The following ITGA6 variants were observed in gnomAD, a reference collection of about 807,000 sequenced individuals.
The protein encoded by ITGA6 is integrin subunit alpha 6.
ITGA6 carries 63 observed loss-of-function variants against 133.6 expected under a neutral mutation model. The ratio of observed to expected loss-of-function variants is 0.47; its 90% CI spans 0.38 to 0.58. ITGA6 has a LOEUF of 0.58. ITGA6 is among the 20% of genes least tolerant of loss of function. ITGA6 has a pLI of 0.00. For synonymous variants in ITGA6, 434 were observed against 482.0 expected (o/e 0.90, Z 1.30); for missense variants, 1,068 against 1,309.4 (o/e 0.82, Z 2.85).
intron 6 of ITGA6, among the ~76,000 whole-genome samples, chr2:172,474,596 G>A (rs1256472353): frequency 6.6e-6 from 1 of 152,204 alleles, no homozygotes. Flanking sequence ...TGGAGCATCA[G>A]CTCCCGTTGA....
chr2:172,478,924 G>A (rs1686299582), intron 9 of ITGA6, among the ~76,000 whole-genome samples: 1 of 152,160 alleles, frequency 6.6e-6, no homozygotes, highest in Non-Finnish European at 1.5e-5. Context: ...AGCATCTCAG[G>A]TATTAGGTGT....
intron 20 of ITGA6, 124 bp from the exon 21 acceptor site, chr2:172,490,900 A>C (rs923813134): frequency 5.6e-6 from 4 of 713,758 alleles, no homozygotes; most frequent in Non-Finnish European, 1.0e-5. Context: ...CTTTGGCAGG[A>C]GAGAGGCAAA....
At chr2:172,475,852 T>C (rs369209206) in intron 8 of ITGA6, among the ~76,000 whole-genome samples, 167 bp downstream of exon 8, 1 of 152,216 alleles carries the variant, frequency 6.6e-6, no homozygotes, top group African/African-American at 2.4e-5. Context: ...AAAATAAATA[T>C]ATAAATGTAA....
intron 1 of ITGA6, among the ~76,000 whole-genome samples, chr2:172,436,623 A>T (rs1353287797): frequency 6.6e-6 from 1 of 152,216 alleles, no homozygotes; most frequent in Admixed American, 6.5e-5. Context: ...GTTTTAACCC[A>T]AAAGAAATAG....
At chr2:172,474,366 A>G (rs1686072659) in intron 6 of ITGA6, 101 bp downstream of exon 6, 1 of 1,068,602 alleles carries the variant, frequency 9.4e-7, no homozygotes, top group South Asian at 1.3e-5. Flanking sequence ...ATTGACGTAA[A>G]GAATATTTTT....
intron 23 of ITGA6, among the ~76,000 whole-genome samples, chr2:172,494,880 T>C (rs1242703300): frequency 1.3e-5 from 2 of 152,240 alleles, no homozygotes; most frequent in Non-Finnish European, 2.9e-5. Context: ...TGTCAAAATT[T>C]TTTTTAAAAT....
At position 172,475,458 on chromosome 2, in the gene ITGA6, C is replaced by T. The variant is rs1686131593; in HGVS notation, c.1181-139C>T. ...AGCCTGGGCAACAGGAGCGAAACTC[C>T]ATCTCAAAAAAAACAAAAAAAAACC... On this transcript the variant is annotated intron_variant, in intron 7 of 25. Coordinates refer to ENST00000684293, the MANE Select transcript of ITGA6 (RefSeq NM_000210.4). 4.3e-6 allele frequency: 3 copies of T among 691,944 alleles called. No homozygotes were observed. The East Asian group carries it at 7.9e-5, about 18-fold the overall frequency. The allele number at this position is 691,944 out of a possible 1,614,324, so 42.9% of individuals were successfully genotyped here.
chr2:172,427,797 C>A lies in ITGA6; in HGVS notation c.9C>A (p.Ala3=), dbSNP rs908598952. 3.8e-6 allele frequency: 6 copies of A among 1,594,994 alleles called. No homozygotes were observed. The African/African-American group carries it at 8.2e-5, about 22-fold the overall frequency. MA[A]AGQLCLLYLS... ...TCCCCGTGCGTCCGCCCATGGCCGC[C>A]GCCGGGCAGCTGTGCTTGCTCTACC... is the stretch of plus-strand genomic sequence containing the variant. Residue 3 remains alanine, a synonymous_variant, in exon 1 of 26, where the codon GCC becomes GCA. Coordinates refer to ENST00000684293, the MANE Select transcript of ITGA6 (RefSeq NM_000210.4).
At chr2:172,485,465 G>T (rs1315923532) in intron 13 of ITGA6, among the ~76,000 whole-genome samples, 2 of 152,158 alleles carry the variant, frequency 1.3e-5, no homozygotes, top group Non-Finnish European at 1.5e-5. Context: ...ACAATTTGGG[G>T]CCAGAGCGTA....
At chr2:172,503,308 T>C (rs749239347) in intron 25 of ITGA6, 1 of 152,078 alleles carries the variant, frequency 6.6e-6, no homozygotes, top group Non-Finnish European at 1.5e-5. Context: ...TTGGATCAGA[T>C]TGACTATTTA....
At chr2:172,443,032 A>G (rs1285746395) in intron 1 of ITGA6, among the ~76,000 whole-genome samples, 4 of 152,204 alleles carry the variant, frequency 2.6e-5, no homozygotes, top group Non-Finnish European at 5.9e-5. Context: ...AACTACAAAG[A>G]TGGAATGAAA....
intron 3 of ITGA6, 64 bp downstream of exon 3, chr2:172,467,624 C>T: frequency 7.8e-7 from 1 of 1,282,422 alleles, no homozygotes; most frequent in East Asian, 2.3e-5. Context: ...CAGCACCAGG[C>T]TTACAGCAGG....
At position 172,427,735 on chromosome 2, in the gene ITGA6, C is replaced by T. The variant is rs1238164443; in HGVS notation, c.-54C>T. 2 of 1,504,540 alleles carry T rather than the reference C, an allele frequency of 1.3e-6. No individual in the cohort carries two copies. Among genetic ancestry groups the T allele is most frequent in the Non-Finnish European group, 1.8e-6 (2 of 1,126,552 alleles). 93.2% of individuals were successfully genotyped at this position (1,504,540 alleles called of 1,614,324 possible). A position where few individuals can be genotyped will look rare whatever the true frequency, so the allele number is the denominator to read the frequency against. The stretch of plus-strand genomic sequence containing the variant: ...CAGCGCGGCAGCCTCGGACCCAGCC[C>T]GGAGCGCAGGGCGGCCGCTGCAGGT... On this transcript the variant is annotated 5_prime_UTR_variant, in exon 1 of 26. Transcript: ENST00000684293.
chr2:172,498,676 A>G (rs1472181338), intron 24 of ITGA6, among the ~76,000 whole-genome samples: 1 of 152,208 alleles, frequency 6.6e-6, no homozygotes, highest in Non-Finnish European at 1.5e-5. Context: ...AAAATGTAAT[A>G]TCTTCCCCTG....
chr2:172,471,460 G>A (rs903080273), intron 5 of ITGA6, among the ~76,000 whole-genome samples: 1 of 152,174 alleles, frequency 6.6e-6, no homozygotes, highest in Non-Finnish European at 1.5e-5. Flanking sequence ...TTCACAGTAA[G>A]CTGAGATCTT....
Position 172,491,123 on chromosome 2 carries a change from G to C in ITGA6, c.2778+1G>C. 1 of 1,489,700 alleles carries C rather than the reference G, an allele frequency of 6.7e-7. No individual in the cohort carries two copies. Among genetic ancestry groups the C allele is most frequent in the East Asian group, 2.3e-5 (1 of 44,234 alleles). 92.3% of individuals were successfully genotyped at this position (1,489,700 alleles called of 1,614,324 possible). ...TGCTGAAAGAAAATACCAGACTCTT[G>C]TAAGTATTTTTCAAGAGCTGTGAAT... On this transcript the variant is annotated splice_donor_variant, in intron 21 of 25. Transcript: ENST00000684293. LOFTEE classifies it high-confidence loss of function. This position sits in a 1 kb window ranked among gnomAD's most constrained non-coding sequence, Gnocchi z 4.4.
In ITGA6 at chr2:172,474,987, G is replaced by A; in HGVS notation, c.1045G>A (p.Gly349Ser). 2 of 1,585,912 alleles carry A rather than the reference G, an allele frequency of 1.3e-6. No individual in the cohort carries two copies. The highest frequency in any genetic ancestry group is 1.7e-6 in the Non-Finnish European group (2 of 1,154,270). ...TTTTGATAGAGATGGAGAAGTTGGA[G>A]GTGCAGTGTATGTCTACATGAACCA... Reference protein sequence around the residue: ...QYFDRDGEVGGAVYVYMNQQG... With the variant: ...QYFDRDGEVGSAVYVYMNQQG... Residue 349 changes from glycine to serine, a missense_variant, in exon 7 of 26, where the codon GGT becomes AGT. Coordinates refer to ENST00000684293, the MANE Select transcript of ITGA6 (RefSeq NM_000210.4).
chr2:172,501,642 T>C, intron 24 of ITGA6, 130 bp from the exon 25 acceptor site: 1 of 788,922 alleles, frequency 1.3e-6, no homozygotes, highest in South Asian at 1.4e-5. Context: ...CTGTTCATTG[T>C]TGGTTGACTG....
chr2:172,501,623 A>G lies in ITGA6; in HGVS notation c.3115-149A>G. ...GTGTATTGAATATGACAATGAAACA[A>G]TGCAGTGGCTGTTCATTGTTGGTTG... On this transcript the variant is annotated intron_variant, in intron 24 of 25. Coordinates refer to ENST00000684293, the MANE Select transcript of ITGA6 (RefSeq NM_000210.4). 4.4e-6 allele frequency: 3 copies of G among 682,142 alleles called. No individual in the cohort carries two copies. In the South Asian group the frequency reaches 4.8e-5, roughly 11 times the overall value. The allele number at this position is 682,142 out of a possible 1,614,324, so 42.3% of individuals were successfully genotyped here. A position where few individuals can be genotyped will look rare whatever the true frequency, so the allele number is the denominator to read the frequency against.
Sources: allele counts gnomAD v4.1 joint callset (sites outside exome capture counted in the v4.1 genomes callset), GRCh38; gene constraint gnomAD v4.1.1; non-coding constraint Gnocchi (gnomAD v3.1); transcripts MANE v1.5; gene names NCBI Gene and HGNC (gene_info 2026-07-23, HGNC 2026-07-21).